Variants in KIDINS220 observed in about 807,000 individuals in gnomAD.
KIDINS220 encodes kinase D interacting substrate 220.
Under a neutral mutation model 157.6 loss-of-function variants are expected in KIDINS220, and 63 were observed. That is an observed-to-expected ratio of 0.40 (90% CI 0.33 to 0.49). The LOEUF (loss-of-function observed/expected upper bound fraction) is 0.49. Ranked by LOEUF, KIDINS220 falls within the 20% of genes least tolerant of loss-of-function variation. KIDINS220 has a pLI of 0.66. For missense variants in KIDINS220, 1,772 were observed against 2,171.2 expected (o/e 0.82, Z 3.65); for synonymous variants, 732 against 783.6 (o/e 0.93, Z 1.10).
intron 20 of KIDINS220, among the ~76,000 whole-genome samples, 168 bp downstream of exon 20, chr2:8,778,471 G>A (rs1671264682): frequency 6.6e-6 from 1 of 152,176 alleles, no homozygotes; most frequent in Non-Finnish European, 1.5e-5. Flanking sequence ...AGGGTTCTAG[G>A]TGCAGACATT....
chr2:8,740,747 C>G (rs1180735623), intron 26 of KIDINS220, among the ~76,000 whole-genome samples: 1 of 152,172 alleles, frequency 6.6e-6, no homozygotes, highest in Non-Finnish European at 1.5e-5. Flanking sequence ...AACAGACAAA[C>G]CTTGCAAACT....
intron 2 of KIDINS220, among the ~76,000 whole-genome samples, chr2:8,820,472 A>G (rs899584143): frequency 1.7e-4 from 26 of 152,368 alleles, no homozygotes; most frequent in African/African-American, 6.3e-4. Flanking sequence ...GCAAATAGTT[A>G]TAATGATTAC....
intron 6 of KIDINS220, among the ~76,000 whole-genome samples, 171 bp from the exon 7 acceptor site, chr2:8,806,540 C>A (rs1297711146): frequency 6.6e-6 from 1 of 152,034 alleles, no homozygotes; most frequent in African/African-American, 2.4e-5. Context: ...TTTATTTCTC[C>A]TGAGTAGATT....
At chr2:8,832,260 G>A (rs1039291228) in intron 1 of KIDINS220, among the ~76,000 whole-genome samples, 28 of 152,186 alleles carry the variant, frequency 1.8e-4, no homozygotes, top group Non-Finnish European at 3.5e-4. Flanking sequence ...CTAGAGGTAT[G>A]TTCCTGGCAG....
chr2:8,790,023 G>A lies in KIDINS220; in HGVS notation c.1478C>T (p.Pro493Leu). 1.2e-6 allele frequency: 2 copies of A among 1,604,138 alleles called. No individual in the cohort carries two copies. The highest frequency in any genetic ancestry group is 1.7e-6 in the Non-Finnish European group (2 of 1,177,658). The change falls in exon 14 of 30, where the codon CCT becomes CTT. Residue 493 changes from proline (P) to leucine (L), a missense_variant. Transcript: ENST00000256707. ...TATGAGCCATGAGAACTGAAAGAGA[G>A]GCTCAATCTGTTGTCCGGCGAAGGT... is the stretch of plus-strand genomic sequence containing the variant. ...MKTFAGQQIE[P>L]LFQFSWLIVF...
chr2:8,788,274 T>C (rs1021494307), intron 15 of KIDINS220, among the ~76,000 whole-genome samples: 1 of 150,966 alleles, frequency 6.6e-6, no homozygotes, highest in Non-Finnish European at 1.5e-5. Context: ...CTATAAACTT[T>C]TTTTTTTTTT....
intron 4 of KIDINS220, among the ~76,000 whole-genome samples, chr2:8,813,880 C>T (rs1041183485): frequency 2.0e-5 from 3 of 152,028 alleles, no homozygotes; most frequent in Admixed American, 6.6e-5. Flanking sequence ...GCCAAGATCG[C>T]GCCACTGCAC....
At chr2:8,787,516 G>T (rs112732361) in intron 15 of KIDINS220, among the ~76,000 whole-genome samples, 10 of 151,442 alleles carry the variant, frequency 6.6e-5, no homozygotes, top group African/African-American at 2.4e-4. Context: ...CTACAGGCAC[G>T]CACCACCACA....
chr2:8,821,474 C>T (rs1401012525), intron 2 of KIDINS220, among the ~76,000 whole-genome samples: 1 of 152,140 alleles, frequency 6.6e-6, no homozygotes, highest in Admixed American at 6.5e-5. Context: ...CTTCTTCTTG[C>T]CCAATACTGA....
At chr2:8,759,960 G>A (rs1362886125) in intron 22 of KIDINS220, among the ~76,000 whole-genome samples, 1 of 152,132 alleles carries the variant, frequency 6.6e-6, no homozygotes, top group Non-Finnish European at 1.5e-5. Context: ...AGCAATGGAT[G>A]CAACACCACC....
chr2:8,730,225 C>T lies in KIDINS220; in HGVS notation c.*495G>A, dbSNP rs1212871062. 9.1e-6 allele frequency: 9 copies of T among 987,848 alleles called. 1 individual carries two copies. Among genetic ancestry groups the T allele is most frequent in the Admixed American group, 1.2e-4 (2 of 16,538 alleles). 61.2% of individuals were successfully genotyped at this position (987,848 alleles called of 1,614,324 possible). A position where few individuals can be genotyped will look rare whatever the true frequency, so the allele number is the denominator to read the frequency against. On this transcript the variant is annotated 3_prime_UTR_variant, in exon 30 of 30. Coordinates refer to ENST00000256707, the MANE Select transcript of KIDINS220 (RefSeq NM_020738.4). ...CCCTGCCATACAGAACGCTGGATCTCGGTTTACTCAGCCTCTCCCTGTAGC... is the reference window on the plus strand; with the variant it reads ...CCCTGCCATACAGAACGCTGGATCTTGGTTTACTCAGCCTCTCCCTGTAGC...
chr2:8,761,538 A>C (rs909312633), intron 22 of KIDINS220, among the ~76,000 whole-genome samples: 1 of 152,160 alleles, frequency 6.6e-6, no homozygotes, highest in Non-Finnish European at 1.5e-5. Context: ...ACACTTAAAA[A>C]CTATGTCATA....
chr2:8,750,610 T>G (rs1244803617), intron 23 of KIDINS220, among the ~76,000 whole-genome samples: 1 of 152,254 alleles, frequency 6.6e-6, no homozygotes, highest in Admixed American at 6.5e-5. Context: ...TTGACTCTTC[T>G]CTAACTCTTA....
intron 1 of KIDINS220, among the ~76,000 whole-genome samples, chr2:8,831,767 C>G (rs761105123): frequency 2.6e-5 from 4 of 152,210 alleles, no homozygotes; most frequent in South Asian, 2.1e-4. Flanking sequence ...GGAACTGACC[C>G]GGCACACACA....
intron 27 of KIDINS220, among the ~76,000 whole-genome samples, chr2:8,735,023 G>T (rs1225202209): frequency 2.0e-5 from 3 of 152,072 alleles, no homozygotes; most frequent in Non-Finnish European, 4.4e-5. Context: ...AACTACCTAT[G>T]CTGTCATGAG....
intron 26 of KIDINS220, chr2:8,740,052 T>C: frequency 2.9e-6 from 1 of 342,712 alleles, no homozygotes; most frequent in Non-Finnish European, 4.1e-6. Context: ...CGAACGCACC[T>C]TAGTGAGCAC....
At position 8,751,433 on chromosome 2, in the gene KIDINS220, A is replaced by G. The variant is rs201102407; in HGVS notation, c.3190+33T>C. On this transcript the variant is annotated intron_variant, in intron 23 of 29. Transcript: ENST00000256707. Reference sequence around the variant, plus strand: ...AAACATGAAAAATTCTTAGAACTTTAGATGAAAAATTAAATTTACTACTAA... The same window carrying G: ...AAACATGAAAAATTCTTAGAACTTTGGATGAAAAATTAAATTTACTACTAA... The G allele has an allele frequency of 1.5e-5, 23 of 1,529,264 alleles. No homozygotes were observed. In the Admixed American group the frequency reaches 3.7e-4, roughly 24 times the overall value. 94.7% of individuals were successfully genotyped at this position (1,529,264 alleles called of 1,614,324 possible).
chr2:8,760,911 T>C (rs1403579102), intron 22 of KIDINS220, among the ~76,000 whole-genome samples: 1 of 152,156 alleles, frequency 6.6e-6, no homozygotes, highest in Non-Finnish European at 1.5e-5. Context: ...TAATCAGATA[T>C]TAGTAATTCA....
chr2:8,746,538 T>A (rs1019206168), intron 26 of KIDINS220: 3 of 151,062 alleles, frequency 2.0e-5, no homozygotes, highest in Admixed American at 2.0e-4. Context: ...AATAAATAAA[T>A]AATTTCTTTT....
Sources: allele counts gnomAD v4.1 joint callset (sites outside exome capture counted in the v4.1 genomes callset), GRCh38; gene constraint gnomAD v4.1.1; transcripts MANE v1.5; gene names NCBI Gene and HGNC (gene_info 2026-07-23, HGNC 2026-07-21).